OSBPL10: variants seen among roughly 807,000 people sequenced by gnomAD.
OSBPL10 encodes the protein oxysterol binding protein like 10.
In OSBPL10, 49 loss-of-function variants were observed where a neutral mutation model predicts 81.7. The ratio of observed to expected loss-of-function variants is 0.60; its 90% CI spans 0.48 to 0.76. The LOEUF (loss-of-function observed/expected upper bound fraction) is 0.76, where lower values mean the gene tolerates loss of function less well. Ranked by LOEUF, OSBPL10 falls within the 30% of genes least tolerant of loss-of-function variation. The probability of loss-of-function intolerance (pLI) is 0.00; values close to 1 mark genes in which losing one functional copy is unlikely to be tolerated. For synonymous variants in OSBPL10, 419 were observed against 383.6 expected (o/e 1.09, Z -1.08); for missense variants, 923 against 987.8 (o/e 0.93, Z 0.88).
chr3:31,669,775 G>C (rs1382951100), intron 9 of OSBPL10, among the ~76,000 whole-genome samples: 1 of 152,116 alleles, frequency 6.6e-6, no homozygotes, highest in Non-Finnish European at 1.5e-5. Flanking sequence ...CCATGTGTAG[G>C]ATCTAAACTC....
At chr3:32,021,675 T>C (rs1279545328) in intron 2 of OSBPL10, among the ~76,000 whole-genome samples, 1 of 152,168 alleles carries the variant, frequency 6.6e-6, no homozygotes, top group Non-Finnish European at 1.5e-5. Flanking sequence ...ATTTAGGAGT[T>C]TTAAAAATAT....
chr3:31,808,689 C>G (rs1471873197), intron 4 of OSBPL10, among the ~76,000 whole-genome samples: 1 of 152,220 alleles, frequency 6.6e-6, no homozygotes, highest in African/African-American at 2.4e-5. Flanking sequence ...ATTCTACATT[C>G]CTTTCCGATA....
chr3:31,875,508 G>C (rs557358587), intron 3 of OSBPL10, among the ~76,000 whole-genome samples: 47 of 150,800 alleles, frequency 3.1e-4, no homozygotes, highest in Middle Eastern at 3.2e-3. Context: ...GGCATTACAG[G>C]TAAGTGCCAC....
intron 6 of OSBPL10, among the ~76,000 whole-genome samples, chr3:31,728,467 C>T (rs184893335): frequency 6.6e-6 from 1 of 152,306 alleles, no homozygotes; most frequent in East Asian, 1.9e-4. Context: ...ATTGCTCCCC[C>T]TTTCCATTTT....
intron 1 of OSBPL10, among the ~76,000 whole-genome samples, chr3:31,899,072 T>A (rs1449445199): frequency 1.8e-5 from 2 of 108,460 alleles, no homozygotes; most frequent in Non-Finnish European, 3.8e-5. Flanking sequence ...GCCTATCAAG[T>A]AGCTGGGACT....
intron 1 of OSBPL10, among the ~76,000 whole-genome samples, chr3:31,964,975 C>G (rs1698273888): frequency 6.6e-6 from 1 of 152,110 alleles, no homozygotes. Context: ...ACATTATCAA[C>G]TGAATCAAAC....
At chr3:31,696,615 G>T (rs1223188596) in intron 7 of OSBPL10, among the ~76,000 whole-genome samples, 1 of 152,194 alleles carries the variant, frequency 6.6e-6, no homozygotes, top group Non-Finnish European at 1.5e-5. Flanking sequence ...ACACTCCTCT[G>T]ACTTCTATCT....
intron 1 of OSBPL10, among the ~76,000 whole-genome samples, chr3:32,053,798 A>T (rs1699687005): frequency 6.6e-6 from 1 of 152,078 alleles, no homozygotes; most frequent in Non-Finnish European, 1.5e-5. Flanking sequence ...ACATGGTGAA[A>T]CCCTATCTCT....
rs552665618 is a variant in OSBPL10 at position 31,677,942 on chromosome 3, G to A, written c.1726+5692C>T. 1.1e-3 allele frequency among the ~76,000 whole-genome samples: 163 copies of A among 151,138 alleles called. 5 individuals are homozygous for A. The South Asian group carries it at 0.032, about 30-fold the overall frequency. On this transcript the variant is annotated intron_variant, in intron 8 of 11. Coordinates refer to ENST00000396556, the MANE Select transcript of OSBPL10 (RefSeq NM_017784.5). Reference sequence around the variant, plus strand: ...TAAAAATACAAAAAATTAGCCGGGCGCGGTGGCGGGCGCCTGTAGTCCCAG... The same window carrying A: ...TAAAAATACAAAAAATTAGCCGGGCACGGTGGCGGGCGCCTGTAGTCCCAG...
intron 1 of OSBPL10, among the ~76,000 whole-genome samples, chr3:31,961,118 C>A (rs1698149737): frequency 1.3e-5 from 2 of 149,838 alleles, no homozygotes; most frequent in Admixed American, 1.3e-4. Context: ...GTGCAACCCA[C>A]TCCATAAAGA....
chr3:31,830,073 A>C lies in OSBPL10; in HGVS notation c.696T>G (p.Ser232Arg). The C allele has an allele frequency of 6.2e-7, 1 of 1,613,388 alleles. No individual in the cohort carries two copies. Among genetic ancestry groups the C allele is most frequent in the Non-Finnish European group, 8.5e-7 (1 of 1,179,888 alleles). ...CTTCGTGAAGCTGGCCGGAATACTG[A>C]CTCTTGGCTCTTCGGGCGGCTGCAG... ...KSPAAARRAK[S>R]QYSGQLHEVR... is the part of the protein sequence containing the mutation. The change falls in exon 4 of 12, where the codon AGT (serine) becomes AGG (arginine). Residue 232 changes from serine to arginine, a missense_variant. By Grantham distance (110) the Ser-to-Arg change is moderately radical (BLOSUM62 -1). Transcript: ENST00000396556.
intron 6 of OSBPL10, among the ~76,000 whole-genome samples, chr3:31,727,711 T>G (rs7628473): frequency 0.099 from 15,081 of 152,186 alleles, 1,863 homozygotes; most frequent in African/African-American, 0.29. Context: ...AACTTTAAAA[T>G]AATTATTTAA....
chr3:31,893,480 C>T (rs1234725049), intron 1 of OSBPL10, among the ~76,000 whole-genome samples: 1 of 152,200 alleles, frequency 6.6e-6, no homozygotes, highest in East Asian at 1.9e-4. Flanking sequence ...AATAGAACAT[C>T]TGCTTGTGAA....
chr3:32,057,826 T>C (rs777027318), intron 1 of OSBPL10, among the ~76,000 whole-genome samples: 1 of 152,114 alleles, frequency 6.6e-6, no homozygotes, highest in Non-Finnish European at 1.5e-5. Context: ...AAGAGTAACA[T>C]AGAGGCCCTC....
intron 3 of OSBPL10, among the ~76,000 whole-genome samples, chr3:31,838,975 G>C (rs1348421965): frequency 6.6e-6 from 1 of 152,162 alleles, no homozygotes; most frequent in East Asian, 1.9e-4. Flanking sequence ...TGTCTCCACA[G>C]CTTACTGCTT....
At chr3:31,979,969 T>C (rs1559540561) in intron 1 of OSBPL10, among the ~76,000 whole-genome samples, 2 of 151,300 alleles carry the variant, frequency 1.3e-5, no homozygotes, top group East Asian at 3.8e-4. Context: ...GGAGGGTATT[T>C]TTTCTTTCTT....
At chr3:31,779,997 A>C (rs1489055696) in intron 4 of OSBPL10, among the ~76,000 whole-genome samples, 1 of 152,226 alleles carries the variant, frequency 6.6e-6, no homozygotes, top group African/African-American at 2.4e-5. Flanking sequence ...AATTCTTTGA[A>C]CTGAACAATA....
intron 4 of OSBPL10, among the ~76,000 whole-genome samples, chr3:31,776,210 G>GA (rs1239739297): frequency 1.3e-5 from 2 of 151,970 alleles, no homozygotes; most frequent in Admixed American, 1.3e-4. Flanking sequence ...ACAAGCACAC[G>GA]AAAAAAATGC....
chr3:31,728,699 T>C (rs1481598991), intron 6 of OSBPL10, among the ~76,000 whole-genome samples: 1 of 151,968 alleles, frequency 6.6e-6, no homozygotes, highest in African/African-American at 2.4e-5. Flanking sequence ...AAGACAAAAC[T>C]ATAGGGACAA....
Sources: gnomAD v4.1 joint callset for allele counts (sites outside exome capture counted in the v4.1 genomes callset) on GRCh38, gnomAD v4.1.1 for gene constraint, MANE v1.5 for transcripts, NCBI Gene and HGNC (gene_info 2026-07-23, HGNC 2026-07-21) for gene names.